DNAH1: variants seen among roughly 807,000 people sequenced by gnomAD.
DNAH1 encodes axonemal beta dynein heavy chain 1.
A neutral mutation model predicts 484.3 loss-of-function variants in DNAH1; 327 were observed. That is an observed-to-expected ratio of 0.68 (90% CI 0.62 to 0.74). The LOEUF (loss-of-function observed/expected upper bound fraction) is 0.74, where lower values mean the gene tolerates loss of function less well. Ranked by LOEUF, DNAH1 falls within the 30% of genes least tolerant of loss-of-function variation. DNAH1 has a pLI of 0.00. For synonymous variants in DNAH1, 2,192 were observed against 2,191.9 expected, an observed-to-expected ratio of 1.00 and a Z score of 0.00; for missense variants, 5,052 against 5,546.8, an observed-to-expected ratio of 0.91 and a Z score of 2.83.
chr3:52,377,019 C>A (rs933957276), intron 46 of DNAH1, among the ~76,000 whole-genome samples: 1 of 152,134 alleles, frequency 6.6e-6, no homozygotes, highest in Non-Finnish European at 1.5e-5. Flanking sequence ...CCTCCTCTCC[C>A]TCCAACCACA....
rs199732339 is a variant in DNAH1, at chr3:52,352,630, A to G, written c.2950A>G (p.Lys984Glu). The change falls in exon 18 of 78, where the codon AAG (lysine) becomes GAG (glutamate). Residue 984 changes from lysine to glutamate, a missense_variant. By Grantham distance (56) the Lys-to-Glu change is moderately conservative (BLOSUM62 1). Around this residue, in one of 4 missense-constraint regions of DNAH1, gnomAD observed 2,929 missense variants for 3,409.4 expected, o/e 0.86. Coordinates refer to ENST00000420323, the MANE Select transcript of DNAH1 (RefSeq NM_015512.5). Reference protein sequence around the residue: ...EIANEVRRVKKQLKDCQQLAM... With the variant: ...EIANEVRRVKEQLKDCQQLAM... Reference sequence around the variant, plus strand: ...CGCCAACGAGGTGCGGCGTGTCAAGAAGCAGCTGAAGGACTGCCAGCAGCT... The same window carrying G: ...CGCCAACGAGGTGCGGCGTGTCAAGGAGCAGCTGAAGGACTGCCAGCAGCT... 73 of 1,612,254 alleles carry G rather than the reference A, an allele frequency of 4.5e-5. No individual in the cohort carries two copies. The highest frequency in any genetic ancestry group is 3.7e-5 in the Non-Finnish European group (44 of 1,179,632).
At position 52,388,352 on chromosome 3, in the gene DNAH1, C is replaced by A; in HGVS notation, c.9171+18C>A. ...CCAAGCGGGTGAGGGCTGAGTGGAG[C>A]TGGTGGGGGAGGGCTCCCCTCCCGG... On this transcript the variant is annotated intron_variant, in intron 57 of 77. Coordinates refer to ENST00000420323, the MANE Select transcript of DNAH1 (RefSeq NM_015512.5). 1 of 1,600,752 alleles carries A rather than the reference C, an allele frequency of 6.2e-7. No individual in the cohort carries two copies. Among genetic ancestry groups the A allele is most frequent in the East Asian group, 2.3e-5 (1 of 44,234 alleles).
chr3:52,380,583 T>C (rs1703801002), intron 48 of DNAH1, among the ~76,000 whole-genome samples: 2 of 152,210 alleles, frequency 1.3e-5, no homozygotes, highest in South Asian at 4.1e-4. Flanking sequence ...CACACCCTGG[T>C]AAGCCCCAGA....
rs201536701 is a variant in DNAH1, at chr3:52,364,818, C to A, written c.5332-15C>A. On this transcript the variant is annotated splice_polypyrimidine_tract_variant and intron_variant, in intron 33 of 77. Transcript: ENST00000420323. This position sits in a 1 kb window ranked among gnomAD's most constrained non-coding sequence, Gnocchi z 4.2. ...TGGCCCACTGCCCTGAAGGCTCAGC[C>A]GGCACCTGCTGCAGGAGCTGATCTG... 2 of 1,610,462 alleles carry A rather than the reference C, an allele frequency of 1.2e-6. No individual in the cohort carries two copies. The highest frequency in any genetic ancestry group is 2.7e-5 in the African/African-American group (2 of 74,854).
chr3:52,390,734 T>C (rs770340705), intron 60 of DNAH1, among the ~76,000 whole-genome samples: 32 of 152,266 alleles, frequency 2.1e-4, no homozygotes, highest in Middle Eastern at 3.4e-3. Flanking sequence ...CATGGTTAGG[T>C]ATCCAGCCCA....
At position 52,346,782 on chromosome 3, in the gene DNAH1, C is replaced by T. The variant is rs374757221; in HGVS notation, c.1955+12C>T. 46 of 1,596,982 alleles carry T rather than the reference C, an allele frequency of 2.9e-5. No individual in the cohort carries two copies. Among genetic ancestry groups the T allele is most frequent in the Middle Eastern group, 1.7e-4 (1 of 5,916 alleles). ...AACAGCCCCTACAGGTGGGGCCCGG[C>T]GGGGCGGAGGCACCTGTTGACACCA... On this transcript the variant is annotated intron_variant, in intron 11 of 77. Coordinates refer to ENST00000420323, the MANE Select transcript of DNAH1 (RefSeq NM_015512.5).
chr3:52,318,441 C>G (rs1322094524), intron 1 of DNAH1, among the ~76,000 whole-genome samples: 1 of 152,252 alleles, frequency 6.6e-6, no homozygotes, highest in Non-Finnish European at 1.5e-5. Flanking sequence ...GCAGTCCCAT[C>G]AGCTACCCAA....
chr3:52,369,513 G>T (rs182698095), intron 37 of DNAH1, among the ~76,000 whole-genome samples: 1 of 152,290 alleles, frequency 6.6e-6, no homozygotes, highest in South Asian at 2.1e-4. Flanking sequence ...GGGGTGGAGG[G>T]CTCTGGAGCA....
chr3:52,368,332 G>C lies in DNAH1; in HGVS notation c.5766-409G>C, dbSNP rs1703169943. ...ATCAGCCCTACCAGCCCCTTCCCTG[G>C]TGCGTGCTGCCTCTGAGGTCTGAGT... is the stretch of plus-strand genomic sequence containing the variant. On this transcript the variant is annotated intron_variant, in intron 36 of 77. Transcript: ENST00000420323. The surrounding 1 kb of genome is among the most constrained non-coding windows in gnomAD (Gnocchi z 4.4). 6.6e-6 allele frequency among the ~76,000 whole-genome samples: 1 copy of C among 152,140 alleles called. No individual in the cohort carries two copies. Among genetic ancestry groups the C allele is most frequent in the Non-Finnish European group, 1.5e-5 (1 of 68,022 alleles).
chr3:52,356,291 G>A (rs1254043250), intron 21 of DNAH1, among the ~76,000 whole-genome samples: 5 of 152,188 alleles, frequency 3.3e-5, no homozygotes, highest in Non-Finnish European at 2.9e-5. Flanking sequence ...CCCAGGCACC[G>A]AGTGTTTCCT....
Position 52,396,686 on chromosome 3 carries a change from G to A in DNAH1, c.11499G>A (p.Lys3833=), listed in dbSNP as rs200242090. 6.2e-7 allele frequency: 1 copy of A among 1,613,768 alleles called. No homozygotes were observed. The highest frequency in any genetic ancestry group is 8.5e-7 in the Non-Finnish European group (1 of 1,179,884). ...ATGGGAACGCCCTGGAGCGCCGTAA[G>A]TTTGGGCCCCTGGGCTTCAACATCC... is the stretch of plus-strand genomic sequence containing the variant. ...LFHGNALERR[K]FGPLGFNIPY... The change falls in exon 72 of 78, where the codon AAG becomes AAA. Residue 3833 remains lysine (K), a synonymous_variant. Transcript: ENST00000420323.
intron 17 of DNAH1, 143 bp from the exon 18 acceptor site, chr3:52,352,409 A>G (rs949905396): frequency 1.7e-6 from 2 of 1,184,402 alleles, no homozygotes; most frequent in Non-Finnish European, 2.3e-6. Flanking sequence ...GCTGTGAGGA[A>G]CCTGCTCACT....
At position 52,379,949 on chromosome 3, in the gene DNAH1, C is replaced by T. The variant is rs1444811258; in HGVS notation, c.7422C>T (p.Arg2474=). 5.7e-6 allele frequency: 9 copies of T among 1,579,530 alleles called. No individual in the cohort carries two copies. The highest frequency in any genetic ancestry group is 1.2e-5 in the South Asian group (1 of 85,888). Residue 2474 remains arginine (R), a synonymous_variant, in exon 48 of 78, where the codon CGC becomes CGT. Coordinates refer to ENST00000420323, the MANE Select transcript of DNAH1 (RefSeq NM_015512.5). The surrounding 1 kb of genome is among the most constrained non-coding windows in gnomAD (Gnocchi z 4.4). ...LLRLWYHENC[R]VFRDRLVNEE... is the part of the protein sequence containing the mutation. ...GACTGTGGTATCACGAGAACTGCCG[C>T]GTGTTCCGGGACCGACTGGTGAATG...
intron 63 of DNAH1, among the ~76,000 whole-genome samples, chr3:52,392,175 G>T (rs1309203945): frequency 6.6e-6 from 1 of 152,190 alleles, no homozygotes; most frequent in African/African-American, 2.4e-5. Flanking sequence ...GCCCCCACTT[G>T]CCAAGGAGGT....
rs747381 is a variant in DNAH1, at chr3:52,376,708, A to G, written c.7198+715A>G. Among the ~76,000 whole-genome samples the G allele has an allele frequency of 5.5e-3, 834 of 151,746 alleles. 22 individuals are homozygous for G. The highest frequency in any genetic ancestry group is 0.043 in the Admixed American group (653 of 15,262). ...AACAGCCTCTCTGGGCCCCCTTCCC[A>G]CCTGCCCCAGCCCGTCACTCTACCT... On this transcript the variant is annotated intron_variant, in intron 46 of 77. Transcript: ENST00000420323.
chr3:52,331,185 C>A lies in DNAH1; in HGVS notation c.909C>A (p.Cys303Ter). Reference protein sequence around the residue: ...PKSQKLKYKWCEVGVLDYDEE... With the variant: ...PKSQKLKYKW ...GTCAGAAGCTGAAGTACAAATGGTG[C>A]GAGGTCGGCGTCCTGGACTACGACG... Residue 303 changes from cysteine (C) to a stop codon, truncating the protein, a stop_gained, in exon 7 of 78, where the codon TGC becomes TGA. Coordinates refer to ENST00000420323, the MANE Select transcript of DNAH1 (RefSeq NM_015512.5). LOFTEE classifies it high-confidence loss of function. 6.2e-7 allele frequency: 1 copy of A among 1,603,774 alleles called. No individual in the cohort carries two copies. Among genetic ancestry groups the A allele is most frequent in the Non-Finnish European group, 8.5e-7 (1 of 1,175,124 alleles).
chr3:52,366,383 G>A (rs781282279), intron 34 of DNAH1, 74 bp from the exon 35 acceptor site: 2 of 1,259,794 alleles, frequency 1.6e-6, no homozygotes, highest in Non-Finnish European at 2.2e-6. Flanking sequence ...CTCACCCAAG[G>A]TCACACAAGT....
Position 52,394,977 on chromosome 3 carries a change from G to A in DNAH1, c.10886G>A (p.Arg3629His), listed in dbSNP as rs202058333. The A allele has an allele frequency of 2.8e-5, 45 of 1,612,850 alleles. 1 individual carries two copies. Among genetic ancestry groups the A allele is most frequent in the Middle Eastern group, 1.6e-4 (1 of 6,084 alleles). ...LDQFQKLLVL[R>H]CLRGDKVTNA... is the part of the protein sequence containing the mutation. ...CAGTTCCAGAAGCTGCTAGTCCTCC[G>A]CTGCCTGCGTGGGGACAAGGTTACC... The change falls in exon 68 of 78, where the codon CGC (arginine) becomes CAC (histidine). Residue 3629 changes from arginine to histidine, a missense_variant. Coordinates refer to ENST00000420323, the MANE Select transcript of DNAH1 (RefSeq NM_015512.5).
intron 26 of DNAH1, 82 bp downstream of exon 26, chr3:52,359,468 C>G (rs1443147474): frequency 1.3e-6 from 2 of 1,516,870 alleles, no homozygotes; most frequent in African/African-American, 2.8e-5. Context: ...GAAGCTTTCT[C>G]CTATAGTGAG....
Sources: allele counts gnomAD v4.1 joint callset (sites outside exome capture counted in the v4.1 genomes callset), GRCh38; gene constraint gnomAD v4.1.1; regional missense constraint gnomAD v4.1.1; non-coding constraint Gnocchi (gnomAD v3.1); transcripts MANE v1.5; gene names NCBI Gene and HGNC (gene_info 2026-07-23, HGNC 2026-07-21).